ALDH6A1: variants seen among roughly 807,000 people sequenced by gnomAD.
The protein encoded by ALDH6A1 is methylmalonate-semialdehyde/malonate-semialdehyde dehydrogenase [acylating], mitochondrial.
In ALDH6A1, 43 loss-of-function variants were observed where a neutral mutation model predicts 62.6. That is an observed-to-expected ratio of 0.69 (90% CI 0.54 to 0.89). ALDH6A1 has a LOEUF of 0.89. ALDH6A1 is among the 40% of genes least tolerant of loss of function. The probability of loss-of-function intolerance (pLI) is 0.00; values close to 1 mark genes in which losing one functional copy is unlikely to be tolerated. For synonymous variants in ALDH6A1, 194 were observed against 234.2 expected, an observed-to-expected ratio of 0.83 and a Z score of 1.57; for missense variants, 551 against 661.3, an observed-to-expected ratio of 0.83 and a Z score of 1.83.
intron 6 of ALDH6A1, among the ~76,000 whole-genome samples, chr14:74,070,215 T>C (rs1470319236): frequency 6.6e-6 from 1 of 152,080 alleles, no homozygotes; most frequent in South Asian, 2.1e-4. Context: ...CCCTTCTTTT[T>C]TGTCCTTTAA....
intron 9 of ALDH6A1, 169 bp from the exon 10 acceptor site, chr14:74,065,529 G>T: frequency 1.5e-6 from 1 of 657,788 alleles, no homozygotes; most frequent in Non-Finnish European, 2.6e-6. Context: ...TCTCTCAAGT[G>T]TATTCCGTCT....
At chr14:74,061,197 C>T (rs928879665) in intron 11 of ALDH6A1, among the ~76,000 whole-genome samples, 1 of 151,806 alleles carries the variant, frequency 6.6e-6, no homozygotes, top group South Asian at 2.1e-4. Flanking sequence ...AGGCTGGTCT[C>T]GAACTCCCGG....
chr14:74,065,155 A>C (rs1393890465), intron 10 of ALDH6A1, 26 bp downstream of exon 10: 4 of 1,612,310 alleles, frequency 2.5e-6, no homozygotes, highest in Non-Finnish European at 3.4e-6. Context: ...GGATATAAGA[A>C]TCTCTTAAAA....
chr14:74,071,970 T>G lies in ALDH6A1; in HGVS notation c.353A>C (p.Glu118Ala). Residue 118 changes from glutamate to alanine, a missense_variant, in exon 5 of 12, where the codon GAA becomes GCA. Glu to Ala is a moderately radical substitution (Grantham distance 107). Coordinates refer to ENST00000553458, the MANE Select transcript of ALDH6A1 (RefSeq NM_005589.4). ...YQQLIKENLK[E>A]IAKLITLEQG... ...TTCCAATGTGATTAACTTGGCAATT[T>G]CTTTCTAGAGAGAAGACACACAAAT... 6.2e-7 allele frequency: 1 copy of G among 1,613,942 alleles called. No individual in the cohort carries two copies. The highest frequency in any genetic ancestry group is 1.1e-5 in the South Asian group (1 of 91,086).
rs200646203 is a variant in ALDH6A1 at position 74,071,184 on chromosome 14, A to G, written c.730+11T>C. 9.3e-6 allele frequency: 15 copies of G among 1,612,608 alleles called. No homozygotes were observed. The highest frequency in any genetic ancestry group is 5.0e-5 in the Admixed American group (3 of 59,998). The stretch of plus-strand genomic sequence containing the variant: ...GCCAGATTAAGTAGCCATATGCATA[A>G]GGGCAGTTACCTTCATGCTGTCCAT... On this transcript the variant is annotated intron_variant, in intron 6 of 11. Transcript: ENST00000553458.
At chr14:74,066,565 C>T (rs1188543269) in intron 9 of ALDH6A1, 140 bp downstream of exon 9, 3 of 903,486 alleles carry the variant, frequency 3.3e-6, no homozygotes, top group Non-Finnish European at 5.2e-6. Flanking sequence ...CATTCAGACT[C>T]CAGATAAAAT....
At position 74,064,862 on chromosome 14, in the gene ALDH6A1, C is replaced by A; in HGVS notation, c.1463G>T (p.Arg488Leu). Residue 488 changes from arginine (R) to leucine (L), a missense_variant, in exon 11 of 12, where the codon CGA (arginine) becomes CTA (leucine). Transcript: ENST00000553458. ...PLPMFSFTGS[R>L]SSFRGDTNFY... ...ATTGGTGTCTCCCCTGAAGGAGGAT[C>A]GAGAGCCGGTGAATGAGAACATTGG... 6.2e-7 allele frequency: 1 copy of A among 1,613,982 alleles called. No individual in the cohort carries two copies. Among genetic ancestry groups the A allele is most frequent in the Non-Finnish European group, 8.5e-7 (1 of 1,179,998 alleles).
chr14:74,074,820 G>A, intron 2 of ALDH6A1, 135 bp downstream of exon 2: 2 of 885,894 alleles, frequency 2.3e-6, no homozygotes, highest in Admixed American at 2.1e-5. Context: ...TTTCAGGAGG[G>A]AAATAATCCA....
In ALDH6A1 at chr14:74,057,677, G is replaced by T; in HGVS notation, c.*2965C>A. On this transcript the variant is annotated 3_prime_UTR_variant, in exon 12 of 12. Coordinates refer to ENST00000553458, the MANE Select transcript of ALDH6A1 (RefSeq NM_005589.4). ...TTAAGCCAAGTTTTTCTCTTTAAGA[G>T]TTTTTAATTTATAATTTGTTATTCA... The T allele has an allele frequency of 7.7e-7, 1 of 1,298,174 alleles. No individual in the cohort carries two copies. The highest frequency in any genetic ancestry group is 1.0e-6 in the Non-Finnish European group (1 of 1,000,688). The allele number at this position is 1,298,174 out of a possible 1,614,324, so 80.4% of individuals were successfully genotyped here.
At chr14:74,083,281 A>G (rs1165867260) in intron 1 of ALDH6A1, among the ~76,000 whole-genome samples, 3 of 152,236 alleles carry the variant, frequency 2.0e-5, no homozygotes, top group African/African-American at 7.2e-5. Context: ...ACTGGATGTA[A>G]TGAATAAGAA....
At chr14:74,061,620 C>G (rs1166682948) in intron 11 of ALDH6A1, among the ~76,000 whole-genome samples, 1 of 152,128 alleles carries the variant, frequency 6.6e-6, no homozygotes, top group African/African-American at 2.4e-5. Context: ...GCCACTGTAC[C>G]CAGCGGCCAT....
chr14:74,061,103 G>C (rs954803352), intron 11 of ALDH6A1, among the ~76,000 whole-genome samples: 3 of 151,422 alleles, frequency 2.0e-5, no homozygotes, highest in African/African-American at 7.3e-5. Context: ...TCAGCCTCTC[G>C]AGTAGCTGGG....
rs2060559687 is a variant in ALDH6A1, at chr14:74,072,198, CA to C, written c.348+4del. Reference sequence around the variant, plus strand: ...TTGGAAAAGCATACCATTTAGATTTCATACCAAGTTTTCTTTAATAAGTTGT... The same window carrying C: ...TTGGAAAAGCATACCATTTAGATTTCTACCAAGTTTTCTTTAATAAGTTGT... On this transcript the variant is annotated splice_donor_region_variant and intron_variant, in intron 4 of 11. Coordinates refer to ENST00000553458, the MANE Select transcript of ALDH6A1 (RefSeq NM_005589.4). 1.2e-6 allele frequency: 2 copies of C among 1,614,186 alleles called. No individual in the cohort carries two copies. The highest frequency in any genetic ancestry group is 1.7e-6 in the Non-Finnish European group (2 of 1,180,042).
chr14:74,067,353 AAG>A lies in ALDH6A1; in HGVS notation c.1042+25_1042+26del, dbSNP rs1406420526. On this transcript the variant is annotated intron_variant, in intron 8 of 11. Coordinates refer to ENST00000553458, the MANE Select transcript of ALDH6A1 (RefSeq NM_005589.4). ...GCTTAATGCCACAGATGCAAAATCTAAGGGGGCAAGTCAGGTGATTGATTACC... is the reference window on the plus strand; with the variant it reads ...GCTTAATGCCACAGATGCAAAATCTAGGGGCAAGTCAGGTGATTGATTACC... 5.6e-6 allele frequency: 9 copies of A among 1,611,868 alleles called. No homozygotes were observed. In the African/African-American group the frequency reaches 1.2e-4, roughly 22 times the overall value.
rs918918216 is a variant in ALDH6A1, at chr14:74,060,864, A to T, written c.1504-118T>A. On this transcript the variant is annotated intron_variant, in intron 11 of 11. Transcript: ENST00000553458. ...CTCACTTTCCTAATTGAGAAATGCA[A>T]TCAGAATCCAATATATATTGTTCCT... The T allele has an allele frequency of 4.1e-6, 3 of 735,580 alleles. No individual in the cohort carries two copies. In the Admixed American group the frequency reaches 6.2e-5, roughly 15 times the overall value. The allele number at this position is 735,580 out of a possible 1,614,324, so 45.6% of individuals were successfully genotyped here.
At chr14:74,064,297 C>CAAA (rs368051564) in intron 11 of ALDH6A1, among the ~76,000 whole-genome samples, 3 of 127,000 alleles carry the variant, frequency 2.4e-5, no homozygotes, top group Non-Finnish European at 3.4e-5. Flanking sequence ...GACTGTGTCT[C>CAAA]AAAAAAAAAA....
intron 11 of ALDH6A1, among the ~76,000 whole-genome samples, chr14:74,063,927 G>GTCTGAACACA (rs2060406692): frequency 6.6e-6 from 1 of 151,888 alleles, no homozygotes; most frequent in African/African-American, 2.4e-5. Flanking sequence ...TGGCTTAGCT[G>GTCTGAACACA]GGATTTGAAC....
rs2060245752 is a variant in ALDH6A1 at position 74,057,614 on chromosome 14, G to C, written c.*3028C>G. On this transcript the variant is annotated 3_prime_UTR_variant, in exon 12 of 12. Transcript: ENST00000553458. The stretch of plus-strand genomic sequence containing the variant: ...GGGAAGTCAGAGTCATTACAACCTA[G>C]AGGACAAAGGCTTATAAGGAGATAT... 1 of 1,337,140 alleles carries C rather than the reference G, an allele frequency of 7.5e-7. No homozygotes were observed. The highest frequency in any genetic ancestry group is 9.7e-7 in the Non-Finnish European group (1 of 1,026,590). The allele number at this position is 1,337,140 out of a possible 1,614,324, so 82.8% of individuals were successfully genotyped here. A position where few individuals can be genotyped will look rare whatever the true frequency, so the allele number is the denominator to read the frequency against.
chr14:74,078,611 TCCA>T (rs1196343931), intron 1 of ALDH6A1, among the ~76,000 whole-genome samples: 8 of 152,312 alleles, frequency 5.3e-5, no homozygotes. Context: ...CACTGCAACC[TCCA>T]CCTCCCGGGT....
Sources: gnomAD v4.1 joint callset for allele counts (sites outside exome capture counted in the v4.1 genomes callset) on GRCh38, gnomAD v4.1.1 for gene constraint, MANE v1.5 for transcripts, NCBI Gene and HGNC (gene_info 2026-07-23, HGNC 2026-07-21) for gene names.